Variants in EML6 observed in about 807,000 individuals in gnomAD.
EML6 encodes EMAP like 6, also known as echinoderm microtubule-associated protein-like 6.
A neutral mutation model predicts 240.1 loss-of-function variants in EML6; 154 were observed. That is an observed-to-expected ratio of 0.64 (90% CI 0.56 to 0.73). The LOEUF is 0.73. Among genes scored for constraint, EML6 ranks in the 30% least tolerant of loss-of-function variants. The pLI, the probability that EML6 is intolerant of heterozygous loss-of-function variation, is 0.00. For missense variants in EML6, 2,964 were observed against 2,474.6 expected (o/e 1.20, Z -4.20); for synonymous variants, 1,148 against 899.0 (o/e 1.28, Z -4.95).
rs767580956 is a variant in EML6, at chr2:54,957,792, G to A, written c.4489G>A (p.Ala1497Thr). ...ACTGGACTCTGTCACCCACACAGGT[G>A]CCAAGGTTGCCAGCCGAGGGGGTCA... ...TITVWRWQEG[A>T]KVASRGGHLE... The change falls in exon 33 of 42, where the codon GCC becomes ACC. Residue 1497 changes from alanine (A) to threonine (T), a missense_variant and splice_region_variant. Transcript: ENST00000356458. 4.6e-5 allele frequency: 71 copies of A among 1,549,642 alleles called. 3 individuals are homozygous for A. In the South Asian group the frequency reaches 8.0e-4, roughly 17 times the overall value.
chr2:54,929,846 A>G (rs1674761843), intron 28 of EML6, among the ~76,000 whole-genome samples: 1 of 152,212 alleles, frequency 6.6e-6, no homozygotes, highest in Admixed American at 6.5e-5. Context: ...TTTGTTAGAT[A>G]TTACAAAGAT....
rs796901636 is a variant in EML6, at chr2:54,849,918, A to G, written c.1188-44A>G. On this transcript the variant is annotated intron_variant, in intron 9 of 41. Transcript: ENST00000356458. The stretch of plus-strand genomic sequence containing the variant: ...ATATATTTTAAAACTTGGATTTTCT[A>G]TTTGTAGAATTGCTGCTTATCGTTT... The G allele has an allele frequency of 9.4e-6, 14 of 1,496,946 alleles. No individual in the cohort carries two copies. In the African/African-American group the frequency reaches 1.5e-4, roughly 16 times the overall value. The allele number at this position is 1,496,946 out of a possible 1,614,324, so 92.7% of individuals were successfully genotyped here.
chr2:54,903,176 C>G lies in EML6; in HGVS notation c.3257C>G (p.Ser1086Cys), dbSNP rs1329867757. ...TTCCATCACAGAAAAGAAATGATCT[C>G]TGATATTAAGTTTTCAAAAGGTGAA... Reference protein sequence around the residue: ...VSFHHRKEMISDIKFSKDTGK... With the variant: ...VSFHHRKEMICDIKFSKDTGK... The change falls in exon 23 of 42, where the codon TCT becomes TGT. Residue 1086 changes from serine to cysteine, a missense_variant. Transcript: ENST00000356458. The G allele has an allele frequency of 8.4e-6, 13 of 1,551,904 alleles. No homozygotes were observed. The highest frequency in any genetic ancestry group is 2.0e-5 in the Admixed American group (1 of 50,982).
chr2:54,843,844 C>CAA lies in EML6; in HGVS notation c.848-185_848-184dup, dbSNP rs34580151. On this transcript the variant is annotated intron_variant, in intron 7 of 41. Coordinates refer to ENST00000356458, the MANE Select transcript of EML6 (RefSeq NM_001039753.4). ...TGGGTGACAGAGCAAGACTCCATCTCAAAAAAAAAAAAAAAAAAAGCACAA... is the reference window on the plus strand; with the variant it reads ...TGGGTGACAGAGCAAGACTCCATCTCAAAAAAAAAAAAAAAAAAAAAGCACAA... Among the ~76,000 whole-genome samples, 45 of 108,856 alleles carry CAA rather than the reference C, an allele frequency of 4.1e-4. 1 individual carries two copies. Among genetic ancestry groups the CAA allele is most frequent in the African/African-American group, 1.3e-3 (34 of 26,822 alleles). The allele number at this position is 108,856 out of a possible 152,430, so 71.4% of individuals were successfully genotyped here.
In EML6 at chr2:54,820,479, T is replaced by C; in HGVS notation, c.525+17T>C. ...CACATAAAGGTAAAGCTTTTTGTTT[T>C]TTAATTTTGGTACCTTGAGTGCAAA... On this transcript the variant is annotated intron_variant, in intron 5 of 41. Transcript: ENST00000356458. The C allele has an allele frequency of 6.7e-7, 1 of 1,497,560 alleles. No homozygotes were observed. Among genetic ancestry groups the C allele is most frequent in the East Asian group, 2.5e-5 (1 of 40,624 alleles). 92.8% of individuals were successfully genotyped at this position (1,497,560 alleles called of 1,614,324 possible).
At chr2:54,770,736 A>T (rs1668369621) in intron 2 of EML6, among the ~76,000 whole-genome samples, 1 of 152,084 alleles carries the variant, frequency 6.6e-6, no homozygotes, top group Non-Finnish European at 1.5e-5. Flanking sequence ...GATACAGTTG[A>T]TCGTTCCTTC....
At chr2:54,795,051 T>A (rs1669685045) in intron 2 of EML6, among the ~76,000 whole-genome samples, 1 of 152,166 alleles carries the variant, frequency 6.6e-6, no homozygotes, top group African/African-American at 2.4e-5. Context: ...TTTATTCGTG[T>A]TTTTTTGTTT....
chr2:54,810,275 G>C (rs989887858), intron 2 of EML6, among the ~76,000 whole-genome samples: 2 of 152,202 alleles, frequency 1.3e-5, no homozygotes, highest in African/African-American at 4.8e-5. Context: ...ATATGAATGA[G>C]AAGAACAATA....
At position 54,827,758 on chromosome 2, in the gene EML6, A is replaced by C; in HGVS notation, c.711+7A>C. 6.5e-7 allele frequency: 1 copy of C among 1,545,626 alleles called. No individual in the cohort carries two copies. The highest frequency in any genetic ancestry group is 8.8e-7 in the Non-Finnish European group (1 of 1,141,702). On this transcript the variant is annotated splice_region_variant and intron_variant, in intron 6 of 41. Coordinates refer to ENST00000356458, the MANE Select transcript of EML6 (RefSeq NM_001039753.4). The stretch of plus-strand genomic sequence containing the variant: ...CATTCAAGGAGCACATAGTGTAAGT[A>C]TTACCTTGTGGAAATCTGTGGGTGA...
chr2:54,851,419 A>G lies in EML6; in HGVS notation c.1444+1201A>G, dbSNP rs372219968. Among the ~76,000 whole-genome samples the G allele has an allele frequency of 2.4e-4, 37 of 152,252 alleles. No homozygotes were observed. The South Asian group carries it at 3.9e-3, about 16-fold the overall frequency. On this transcript the variant is annotated intron_variant, in intron 10 of 41. Transcript: ENST00000356458. ...CAGAGTGAGACTCCATCTCAAAATA[A>G]ATAAATAATAAATAAATTTAGAAAA... is the stretch of plus-strand genomic sequence containing the variant.
At chr2:54,781,498 C>T (rs1668855383) in intron 2 of EML6, among the ~76,000 whole-genome samples, 1 of 152,194 alleles carries the variant, frequency 6.6e-6, no homozygotes, top group Non-Finnish European at 1.5e-5. Flanking sequence ...TCACCCTCTA[C>T]TTCACCTGAG....
chr2:54,968,761 G>A lies in EML6; in HGVS notation c.5845G>A (p.Asp1949Asn), dbSNP rs1211480413. The A allele has an allele frequency of 3.3e-6, 5 of 1,527,086 alleles. No homozygotes were observed. The highest frequency in any genetic ancestry group is 2.0e-5 in the Admixed American group (1 of 50,974). 94.6% of individuals were successfully genotyped at this position (1,527,086 alleles called of 1,614,324 possible). Residue 1949 changes from aspartate to asparagine, a missense_variant, in exon 41 of 42, where the codon GAC becomes AAC. Coordinates refer to ENST00000356458, the MANE Select transcript of EML6 (RefSeq NM_001039753.4). ...DKYVVSTGGD[D>N]CSVFVWRCL ...GTATGTGGTCAGCACTGGAGGAGACGACTGCAGGTACTAACGTAGCTGACC... is the reference window on the plus strand; with the variant it reads ...GTATGTGGTCAGCACTGGAGGAGACAACTGCAGGTACTAACGTAGCTGACC...
intron 28 of EML6, among the ~76,000 whole-genome samples, chr2:54,932,612 C>G (rs1224826341): frequency 6.6e-6 from 1 of 152,094 alleles, no homozygotes; most frequent in Non-Finnish European, 1.5e-5. Context: ...TTAATTGATA[C>G]TTTAAATATC....
chr2:54,892,123 G>A (rs769654330), intron 18 of EML6, among the ~76,000 whole-genome samples: 9 of 152,150 alleles, frequency 5.9e-5, no homozygotes, highest in African/African-American at 2.2e-4. Flanking sequence ...CTGAGCCTCA[G>A]TTAGACGCAT....
In EML6 at chr2:54,784,511, C is replaced by T. The variant is rs114182868; in HGVS notation, c.198-28721C>T. ...CCAATATTGGGTGTTACACATCTGA[C>T]CCTCAAATAAAATGGGACTTAGGGA... On this transcript the variant is annotated intron_variant, in intron 2 of 41. Transcript: ENST00000356458. Among the ~76,000 whole-genome samples, 423 of 152,230 alleles carry T rather than the reference C, an allele frequency of 2.8e-3. 1 individual carries two copies. The highest frequency in any genetic ancestry group is 9.5e-3 in the African/African-American group (395 of 41,526).
chr2:54,952,088 C>T (rs1676010473), intron 30 of EML6, among the ~76,000 whole-genome samples: 1 of 152,164 alleles, frequency 6.6e-6, no homozygotes, highest in Admixed American at 6.5e-5. Flanking sequence ...GCTGTCCAGG[C>T]CCCCAAGTGG....
intron 2 of EML6, among the ~76,000 whole-genome samples, chr2:54,805,385 T>C (rs550921430): frequency 3.1e-4 from 47 of 152,330 alleles, no homozygotes; most frequent in African/African-American, 1.0e-3. Flanking sequence ...AAAAGACTTT[T>C]CAAAGTGATT....
Position 54,723,793 on chromosome 2 carries a change from C to G in EML6, c.-514+16C>G, listed in dbSNP as rs577527648. The G allele has an allele frequency of 2.0e-5, 3 of 152,570 alleles. No individual in the cohort carries two copies. The South Asian group carries it at 6.2e-4, about 32-fold the overall frequency. 9.5% of individuals were successfully genotyped at this position (152,570 alleles called of 1,614,324 possible). ...GGCAGCAGAGGTTAGAGGCAGAGAG[C>G]GCGCGGATGCTCCGCGGGCGAGGCT... On this transcript the variant is annotated intron_variant, in intron 1 of 41. Coordinates refer to ENST00000356458, the MANE Select transcript of EML6 (RefSeq NM_001039753.4).
chr2:54,878,361 TATACTG>T (rs769223352), intron 16 of EML6, among the ~76,000 whole-genome samples: 2 of 152,138 alleles, frequency 1.3e-5, no homozygotes, highest in Non-Finnish European at 2.9e-5. Context: ...AGAGCCCTGA[TATACTG>T]ATGCAGGATG....
Sources: allele counts gnomAD v4.1 joint callset (sites outside exome capture counted in the v4.1 genomes callset), GRCh38; gene constraint gnomAD v4.1.1; transcripts MANE v1.5; gene names NCBI Gene and HGNC (gene_info 2026-07-23, HGNC 2026-07-21).